MB21D2: variants seen among roughly 807,000 people sequenced by gnomAD.
The protein encoded by MB21D2 is Mab-21 domain containing 2.
In MB21D2, 9 loss-of-function variants were observed where a neutral mutation model predicts 33.3. The observed-to-expected ratio is 0.27, with a 90% CI of 0.16 to 0.47. The LOEUF is 0.47. MB21D2 is among the 20% of genes least tolerant of loss of function. MB21D2 has a pLI of 0.99. For missense variants in MB21D2, 540 were observed against 624.6 expected (o/e 0.86, Z 1.44); for synonymous variants, 241 against 236.3 (o/e 1.02, Z -0.18).
intron 1 of MB21D2, among the ~76,000 whole-genome samples, chr3:192,898,469 G>A (rs1000133951): frequency 2.6e-5 from 4 of 152,286 alleles, no homozygotes; most frequent in Admixed American, 2.0e-4. Flanking sequence ...CTACAAAGAG[G>A]TGGGAGACTA....
intron 1 of MB21D2, among the ~76,000 whole-genome samples, chr3:192,840,111 C>A (rs1712534039): frequency 6.6e-6 from 1 of 152,040 alleles, no homozygotes; most frequent in South Asian, 2.1e-4. Flanking sequence ...TATCTTTAGC[C>A]AATAAGCCAA....
intron 1 of MB21D2, among the ~76,000 whole-genome samples, chr3:192,905,155 G>A (rs1335766271): frequency 6.6e-6 from 1 of 152,240 alleles, no homozygotes. Flanking sequence ...AGTGCTTACA[G>A]CTGAATGCCC....
chr3:192,864,744 T>A (rs182942200), intron 1 of MB21D2, among the ~76,000 whole-genome samples: 5 of 152,196 alleles, frequency 3.3e-5, no homozygotes, highest in Admixed American at 3.3e-4. Context: ...TAAGCTCAGG[T>A]GATCTGCCCG....
rs575579023 is a variant in MB21D2, at chr3:192,881,915, TATAAAC to T, written c.211+35709_211+35714del. On this transcript the variant is annotated intron_variant, in intron 1 of 1. Coordinates refer to ENST00000392452, the MANE Select transcript of MB21D2 (RefSeq NM_178496.4). ...TGATATTTGCATTTTATCCCAGTCT[TATAAAC>T]ATTGGGATCCAAAGGAACTGTGAAC... Among the ~76,000 whole-genome samples, 118 of 152,266 alleles carry T rather than the reference TATAAAC, an allele frequency of 7.7e-4. 1 individual carries two copies. The highest frequency in any genetic ancestry group is 2.6e-3 in the African/African-American group (109 of 41,490).
At chr3:192,901,966 C>A (rs1714114119) in intron 1 of MB21D2, among the ~76,000 whole-genome samples, 1 of 152,180 alleles carries the variant, frequency 6.6e-6, no homozygotes, top group Non-Finnish European at 1.5e-5. Flanking sequence ...GTGTCAAGGG[C>A]CCAATTGGCC....
intron 1 of MB21D2, among the ~76,000 whole-genome samples, chr3:192,913,491 G>A (rs983594753): frequency 6.6e-6 from 1 of 152,082 alleles, no homozygotes; most frequent in African/African-American, 2.4e-5. Context: ...TGACATAACA[G>A]TTCTGAAAAA....
In MB21D2 at chr3:192,881,698, A is replaced by C. The variant is rs567344184; in HGVS notation, c.211+35932T>G. On this transcript the variant is annotated intron_variant, in intron 1 of 1. Coordinates refer to ENST00000392452, the MANE Select transcript of MB21D2 (RefSeq NM_178496.4). ...AAGCTATTCGGTACCTGTGGAGGCC[A>C]AGAAAGGAAGGCTTCTGGAGAAACC... 1.1e-3 allele frequency among the ~76,000 whole-genome samples: 170 copies of C among 152,256 alleles called. 2 individuals carry two copies. Among genetic ancestry groups the C allele is most frequent in the African/African-American group, 4.0e-3 (164 of 41,490 alleles).
At chr3:192,813,881 G>A (rs1400775382) in intron 1 of MB21D2, among the ~76,000 whole-genome samples, 1 of 152,082 alleles carries the variant, frequency 6.6e-6, no homozygotes, top group Non-Finnish European at 1.5e-5. Context: ...AGACTGCCTG[G>A]GTTACTGATA....
rs1577163911 is a variant in MB21D2, at chr3:192,797,307, A to G, written c.*1079T>C. ...TTCTCAAAACTCTCAGGAAGAGTAG[A>G]GATTTTACAAAAAAGCTTACCTCTA... On this transcript the variant is annotated 3_prime_UTR_variant, in exon 2 of 2. Transcript: ENST00000392452. The G allele has an allele frequency of 6.6e-6, 1 of 152,638 alleles. No individual in the cohort carries two copies. The highest frequency in any genetic ancestry group is 1.9e-4 in the East Asian group (1 of 5,200). The allele number at this position is 152,638 out of a possible 1,614,324, so 9.5% of individuals were successfully genotyped here. A position where few individuals can be genotyped will look rare whatever the true frequency, so the allele number is the denominator to read the frequency against.
intron 1 of MB21D2, among the ~76,000 whole-genome samples, chr3:192,886,118 C>T (rs1049632560): frequency 3.3e-5 from 5 of 152,006 alleles, no homozygotes; most frequent in South Asian, 2.1e-4. Context: ...CACCTCCATG[C>T]CCGGCTAATT....
At chr3:192,907,260 C>A (rs1161139337) in intron 1 of MB21D2, among the ~76,000 whole-genome samples, 1 of 152,170 alleles carries the variant, frequency 6.6e-6, no homozygotes, top group Non-Finnish European at 1.5e-5. Flanking sequence ...GCCTAAAAAT[C>A]AGACCTAGGG....
At chr3:192,824,069 A>T (rs1712116810) in intron 1 of MB21D2, among the ~76,000 whole-genome samples, 1 of 152,210 alleles carries the variant, frequency 6.6e-6, no homozygotes, top group Non-Finnish European at 1.5e-5. Flanking sequence ...CAGTAGGAAT[A>T]GGGTTAGATC....
intron 1 of MB21D2, 27 bp downstream of exon 1, chr3:192,917,599 GCACA>G: frequency 6.3e-7 from 1 of 1,595,440 alleles, no homozygotes; most frequent in Non-Finnish European, 8.6e-7. Flanking sequence ...ACACACACAC[GCACA>G]CACACCTCCC....
intron 1 of MB21D2, among the ~76,000 whole-genome samples, chr3:192,898,790 G>A (rs1474591467): frequency 6.6e-6 from 1 of 152,220 alleles, no homozygotes; most frequent in Admixed American, 6.5e-5. Context: ...GACGCTAGAA[G>A]GCCAGGGAAA....
intron 1 of MB21D2, among the ~76,000 whole-genome samples, chr3:192,856,788 A>G (rs1712927655): frequency 1.3e-5 from 2 of 152,098 alleles, no homozygotes; most frequent in Admixed American, 1.3e-4. Context: ...TGTAGACTCA[A>G]GCAATCTGCA....
chr3:192,884,849 C>T (rs1348145220), intron 1 of MB21D2, among the ~76,000 whole-genome samples: 4 of 152,052 alleles, frequency 2.6e-5, no homozygotes, highest in South Asian at 2.1e-4. Flanking sequence ...TATCTGAATA[C>T]GTGGACAAAT....
intron 1 of MB21D2, among the ~76,000 whole-genome samples, chr3:192,838,498 G>T (rs999819818): frequency 6.7e-6 from 1 of 149,776 alleles, no homozygotes; most frequent in Non-Finnish European, 1.5e-5. Context: ...GCGCGATCTC[G>T]GCTCACTGCA....
Position 192,855,787 on chromosome 3 carries a change from G to C in MB21D2, c.212-56137C>G, listed in dbSNP as rs376979047. 2.1e-4 allele frequency among the ~76,000 whole-genome samples: 32 copies of C among 152,278 alleles called. No homozygotes were observed. The East Asian group carries it at 4.3e-3, about 20-fold the overall frequency. On this transcript the variant is annotated intron_variant, in intron 1 of 1. Coordinates refer to ENST00000392452, the MANE Select transcript of MB21D2 (RefSeq NM_178496.4). ...AAGCTTCAAAGAAGTTATAAAGCAA[G>C]ACAGTCTGGGCATGGTGGCTCATGC... is the stretch of plus-strand genomic sequence containing the variant.
intron 1 of MB21D2, among the ~76,000 whole-genome samples, chr3:192,903,103 A>T (rs1174469468): frequency 1.3e-5 from 2 of 152,230 alleles, no homozygotes; most frequent in Admixed American, 1.3e-4. Flanking sequence ...GTGGCTTTGT[A>T]ACAGGGGAAA....
Sources: allele counts gnomAD v4.1 joint callset (sites outside exome capture counted in the v4.1 genomes callset), GRCh38; gene constraint gnomAD v4.1.1; transcripts MANE v1.5; gene names NCBI Gene and HGNC (gene_info 2026-07-23, HGNC 2026-07-21).